The following TARBP1 variants were observed in gnomAD, a reference collection of about 807,000 sequenced individuals.
The protein encoded by TARBP1 is tRNA guanosine 2 -O-methyltransferase TARBP1.
A neutral mutation model predicts 178.6 loss-of-function variants in TARBP1; 144 were observed. The ratio of observed to expected loss-of-function variants is 0.81; its 90% CI spans 0.70 to 0.93. TARBP1 has a LOEUF of 0.93. TARBP1 is among the 40% of genes least tolerant of loss of function. The probability of loss-of-function intolerance (pLI) is 0.00; values close to 1 mark genes in which losing one functional copy is unlikely to be tolerated. For synonymous variants in TARBP1, 787 were observed against 781.0 expected (o/e 1.01, Z -0.13); for missense variants, 2,067 against 2,011.7 (o/e 1.03, Z -0.53).
chr1:234,399,085 T>A (rs775561713), intron 25 of TARBP1, among the ~76,000 whole-genome samples: 1 of 152,206 alleles, frequency 6.6e-6, no homozygotes, highest in Admixed American at 6.5e-5. Flanking sequence ...TAAAATCAGA[T>A]TACAACAACA....
chr1:234,408,442 G>C (rs1335281842), intron 23 of TARBP1, among the ~76,000 whole-genome samples: 2 of 152,112 alleles, frequency 1.3e-5, no homozygotes, highest in African/African-American at 4.8e-5. Flanking sequence ...CCCCCTTCTT[G>C]TCTGGGGACT....
rs1419965614 is a variant in TARBP1, at chr1:234,478,747, C to CGCGGCCGCCAGCT, written c.344_356dup (p.Leu120AlafsTer7). ...GATCGCGCAGCGCCTCCTCAGCCAG[C>CGCGGCCGCCAGCT]GCGGCCGCCAGCTGCGGACGCCCGG... On this transcript the variant is annotated frameshift_variant, in exon 1 of 30. Transcript: ENST00000040877. LOFTEE classifies it high-confidence loss of function. 1 of 1,153,338 alleles carries CGCGGCCGCCAGCT rather than the reference C, an allele frequency of 8.7e-7. No individual in the cohort carries two copies. The highest frequency in any genetic ancestry group is 1.1e-6 in the Non-Finnish European group (1 of 939,516). 71.4% of individuals were successfully genotyped at this position (1,153,338 alleles called of 1,614,324 possible).
intron 12 of TARBP1, among the ~76,000 whole-genome samples, chr1:234,445,661 C>T (rs1190975126): frequency 1.3e-5 from 2 of 152,044 alleles, no homozygotes; most frequent in African/African-American, 4.8e-5. Flanking sequence ...TATATATGCG[C>T]TAAAAATCCT....
chr1:234,478,816 C>T lies in TARBP1; in HGVS notation c.288G>A (p.Val96=). ...GCAGGGCCGCGCCCGCCGCCCTCAG[C>T]ACGCGCCGGCGGTGGCGAGGCTGCA... ...PSLQPRHRRR[V]LRAAGAALRS... The change falls in exon 1 of 30, where the codon GTG becomes GTA. Residue 96 remains valine (V), a synonymous_variant. Coordinates refer to ENST00000040877, the MANE Select transcript of TARBP1 (RefSeq NM_005646.4). 1 of 1,168,630 alleles carries T rather than the reference C, an allele frequency of 8.6e-7. No homozygotes were observed. Among genetic ancestry groups the T allele is most frequent in the East Asian group, 4.1e-5 (1 of 24,648 alleles). The allele number at this position is 1,168,630 out of a possible 1,614,324, so 72.4% of individuals were successfully genotyped here.
At chr1:234,449,251 T>C (rs191030379) in intron 10 of TARBP1, among the ~76,000 whole-genome samples, 12 of 152,142 alleles carry the variant, frequency 7.9e-5, no homozygotes, top group African/African-American at 2.4e-4. Flanking sequence ...CTAAAGGCAA[T>C]AGGAAGCCAC....
intron 13 of TARBP1, among the ~76,000 whole-genome samples, chr1:234,436,260 G>C (rs1665025010): frequency 6.6e-6 from 1 of 151,970 alleles, no homozygotes; most frequent in African/African-American, 2.4e-5. Context: ...CATACAAACA[G>C]GTAAAAATAA....
At position 234,478,360 on chromosome 1, in the gene TARBP1, G is replaced by GCGGTCGCCGCCGGGCT. The variant is rs1247143627; in HGVS notation, c.728_743dup (p.Gly251ArgfsTer74). On this transcript the variant is annotated frameshift_variant, in exon 1 of 30. Coordinates refer to ENST00000040877, the MANE Select transcript of TARBP1 (RefSeq NM_005646.4). LOFTEE classifies it high-confidence loss of function. Reference sequence around the variant, plus strand: ...GGCCCGCCTCGCGCGCGCCGCGGGCGCGGTCGCCGCCGGGCTCGGGCAACA... The same window carrying GCGGTCGCCGCCGGGCT: ...GGCCCGCCTCGCGCGCGCCGCGGGCGCGGTCGCCGCCGGGCTCGGTCGCCGCCGGGCTCGGGCAACA... 1 of 1,268,376 alleles carries GCGGTCGCCGCCGGGCT rather than the reference G, an allele frequency of 7.9e-7. No individual in the cohort carries two copies. The highest frequency in any genetic ancestry group is 1.6e-5 in the African/African-American group (1 of 63,416). 78.6% of individuals were successfully genotyped at this position (1,268,376 alleles called of 1,614,324 possible). A position where few individuals can be genotyped will look rare whatever the true frequency, so the allele number is the denominator to read the frequency against.
At position 234,465,710 on chromosome 1, in the gene TARBP1, T is replaced by TAA. The variant is rs531256921; in HGVS notation, c.1249-4_1249-3dup. On this transcript the variant is annotated splice_polypyrimidine_tract_variant and splice_region_variant and intron_variant, in intron 4 of 29. Coordinates refer to ENST00000040877, the MANE Select transcript of TARBP1 (RefSeq NM_005646.4). ...ATCCATTAATGGTCCAATAATAAAC[T>TAA]AAAAAAAAAAAAAAAAAAAGACACG... The TAA allele has an allele frequency of 6.5e-3, 8,273 of 1,263,404 alleles. 3 individuals are homozygous for TAA. The highest frequency in any genetic ancestry group is 0.023 in the South Asian group (1,287 of 56,900). The allele number at this position is 1,263,404 out of a possible 1,614,324, so 78.3% of individuals were successfully genotyped here. A position where few individuals can be genotyped will look rare whatever the true frequency, so the allele number is the denominator to read the frequency against.
At chr1:234,464,517 C>T (rs1356248795) in intron 5 of TARBP1, among the ~76,000 whole-genome samples, 1 of 152,134 alleles carries the variant, frequency 6.6e-6, no homozygotes, top group African/African-American at 2.4e-5. Context: ...TCTTAGAAAA[C>T]ACCAAGATCT....
intron 6 of TARBP1, among the ~76,000 whole-genome samples, chr1:234,461,104 T>C (rs6686119): frequency 0.25 from 37,403 of 152,008 alleles, 5,243 homozygotes; most frequent in South Asian, 0.43. Context: ...TATTCAGGAA[T>C]TAGACAGTGG....
At chr1:234,468,101 T>G (rs996732568) in intron 3 of TARBP1, among the ~76,000 whole-genome samples, 1 of 151,944 alleles carries the variant, frequency 6.6e-6, no homozygotes, top group Non-Finnish European at 1.5e-5. Flanking sequence ...CATCTGAGTA[T>G]GTCAACCAAA....
chr1:234,402,874 C>T (rs1486023950), intron 24 of TARBP1, among the ~76,000 whole-genome samples: 1 of 152,186 alleles, frequency 6.6e-6, no homozygotes, highest in Non-Finnish European at 1.5e-5. Flanking sequence ...GCGAGAGCCA[C>T]TGCAGCTGGC....
intron 10 of TARBP1, among the ~76,000 whole-genome samples, chr1:234,448,972 G>C (rs938635205): frequency 3.9e-5 from 6 of 152,214 alleles, no homozygotes; most frequent in African/African-American, 1.4e-4. Flanking sequence ...CTCATCCAGA[G>C]AGTAAGAGGA....
chr1:234,459,490 T>C (rs1667624962), intron 7 of TARBP1, among the ~76,000 whole-genome samples, 164 bp from the exon 8 acceptor site: 1 of 152,192 alleles, frequency 6.6e-6, no homozygotes, highest in Non-Finnish European at 1.5e-5. Flanking sequence ...AAGAGCTCAA[T>C]TTTACTATGA....
intron 21 of TARBP1, among the ~76,000 whole-genome samples, chr1:234,419,266 G>A (rs748413109): frequency 6.6e-6 from 1 of 152,112 alleles, no homozygotes; most frequent in African/African-American, 2.4e-5. Context: ...TATCTTACAC[G>A]AATTTCTACT....
chr1:234,412,953 G>A (rs1662006894), intron 22 of TARBP1, among the ~76,000 whole-genome samples: 2 of 152,146 alleles, frequency 1.3e-5, no homozygotes, highest in Non-Finnish European at 1.5e-5. Flanking sequence ...GCATCCAGAG[G>A]TTGGATGAGC....
chr1:234,412,286 G>A (rs975603115), intron 22 of TARBP1, among the ~76,000 whole-genome samples: 1 of 152,104 alleles, frequency 6.6e-6, no homozygotes, highest in Admixed American at 6.5e-5. Context: ...GCTGGGCATG[G>A]TGGTGGGCAC....
intron 9 of TARBP1, 62 bp from the exon 10 acceptor site, chr1:234,450,628 C>T (rs921675306): frequency 2.0e-6 from 3 of 1,533,440 alleles, no homozygotes; most frequent in Admixed American, 4.6e-5. Flanking sequence ...GATTTCTAAT[C>T]TCCTTAAGCC....
At chr1:234,424,571 T>G (rs1375243431) in intron 20 of TARBP1, among the ~76,000 whole-genome samples, 2 of 152,214 alleles carry the variant, frequency 1.3e-5, no homozygotes, top group East Asian at 3.9e-4. Flanking sequence ...GATGCCATTT[T>G]CTCAGTTTTT....
Sources: allele counts gnomAD v4.1 joint callset (sites outside exome capture counted in the v4.1 genomes callset), GRCh38; gene constraint gnomAD v4.1.1; transcripts MANE v1.5; gene names NCBI Gene and HGNC (gene_info 2026-07-23, HGNC 2026-07-21).